The following NRXN1 variants were observed in gnomAD, a reference collection of about 807,000 sequenced individuals.
NRXN1 encodes the protein neurexin 1, also known as neurexin-1.
In NRXN1, 39 loss-of-function variants were observed where a neutral mutation model predicts 150.9. That is an observed-to-expected ratio of 0.26 (90% CI 0.20 to 0.34). NRXN1 has a LOEUF of 0.34. Ranked by LOEUF, NRXN1 falls within the 10% of genes least tolerant of loss-of-function variation. The pLI, the probability that NRXN1 is intolerant of heterozygous loss-of-function variation, is 1.00. For missense variants in NRXN1, 1,815 were observed against 1,949.9 expected, an observed-to-expected ratio of 0.93 and a Z score of 1.30; for synonymous variants, 924 against 757.0, an observed-to-expected ratio of 1.22 and a Z score of -3.62.
intron 21 of NRXN1, among the ~76,000 whole-genome samples, chr2:50,052,944 G>T (rs936618156): frequency 6.6e-6 from 1 of 152,026 alleles, no homozygotes; most frequent in Non-Finnish European, 1.5e-5. Flanking sequence ...TCATTAACTT[G>T]TTCATTTAAA....
At chr2:50,867,647 T>C (rs1677133676) in intron 5 of NRXN1, among the ~76,000 whole-genome samples, 2 of 151,736 alleles carry the variant, frequency 1.3e-5, no homozygotes, top group African/African-American at 4.8e-5. Flanking sequence ...GTAATTGCAA[T>C]GTAAAGCTAA....
intron 19 of NRXN1, among the ~76,000 whole-genome samples, chr2:50,085,126 T>C: frequency 6.6e-6 from 1 of 152,216 alleles, no homozygotes; most frequent in East Asian, 1.9e-4. Flanking sequence ...AGTAAACATT[T>C]AATGATTTCC....
intron 21 of NRXN1, among the ~76,000 whole-genome samples, chr2:50,011,471 A>C (rs917604207): frequency 1.6e-4 from 24 of 152,172 alleles, no homozygotes; most frequent in African/African-American, 5.8e-4. Context: ...AGATAAGCTG[A>C]GGACAAACAT....
chr2:50,520,058 C>T (rs2092743235), intron 12 of NRXN1, among the ~76,000 whole-genome samples: 1 of 151,840 alleles, frequency 6.6e-6, no homozygotes, highest in Non-Finnish European at 1.5e-5. Flanking sequence ...TAAAGAAGCA[C>T]ATATTATACC....
chr2:50,519,720 G>C (rs550928620), intron 12 of NRXN1, among the ~76,000 whole-genome samples: 111 of 152,022 alleles, frequency 7.3e-4, no homozygotes, highest in African/African-American at 2.6e-3. Context: ...ATCTTCTCAT[G>C]TGTGGCTATT....
At position 50,373,665 on chromosome 2, in the gene NRXN1, A is replaced by AAGAAAGAAGGAAG. The variant is rs1316354559; in HGVS notation, c.3364+91776_3364+91777insCTTCCTTCTTTCT. Among the ~76,000 whole-genome samples the AAGAAAGAAGGAAG allele has an allele frequency of 3.3e-4, 35 of 106,640 alleles. 1 individual carries two copies. Among genetic ancestry groups the AAGAAAGAAGGAAG allele is most frequent in the African/African-American group, 1.4e-3 (34 of 24,848 alleles). 70.0% of individuals were successfully genotyped at this position (106,640 alleles called of 152,430 possible). On this transcript the variant is annotated intron_variant, in intron 17 of 22. Transcript: ENST00000401669. ...AAGAAAGAAAGAAAGAAAGAAAGAA[A>AAGAAAGAAGGAAG]GAAAGAAAGAAAGAAAAGAAAGAAG...
At chr2:50,487,494 C>T (rs946036385) in intron 15 of NRXN1, among the ~76,000 whole-genome samples, 13 of 152,162 alleles carry the variant, frequency 8.5e-5, no homozygotes, top group Non-Finnish European at 7.3e-5. Flanking sequence ...AAATAAAGAG[C>T]CACAACAGTG....
At chr2:51,020,337 T>G (rs1315575710) in intron 2 of NRXN1, among the ~76,000 whole-genome samples, 1 of 151,878 alleles carries the variant, frequency 6.6e-6, no homozygotes, top group Non-Finnish European at 1.5e-5. Context: ...TGTTTAAATT[T>G]TACCCAAGCG....
intron 17 of NRXN1, among the ~76,000 whole-genome samples, chr2:50,257,854 CAA>C (rs892502759): frequency 6.6e-6 from 1 of 150,634 alleles, no homozygotes; most frequent in African/African-American, 2.4e-5. Context: ...AAATATAAAA[CAA>C]AAAATTTAAA....
At chr2:50,513,046 C>T (rs1235972924) in intron 12 of NRXN1, among the ~76,000 whole-genome samples, 1 of 152,122 alleles carries the variant, frequency 6.6e-6, no homozygotes, top group Non-Finnish European at 1.5e-5. Flanking sequence ...GTTGCTTAGG[C>T]TTGGGTATGT....
intron 5 of NRXN1, among the ~76,000 whole-genome samples, chr2:50,640,277 T>C (rs2104472725): frequency 6.6e-6 from 1 of 152,304 alleles, no homozygotes; most frequent in Middle Eastern, 3.4e-3. Flanking sequence ...TAGAGAGATA[T>C]GACCTAGGCA....
At chr2:50,803,750 T>C (rs991943896) in intron 5 of NRXN1, among the ~76,000 whole-genome samples, 1 of 152,186 alleles carries the variant, frequency 6.6e-6, no homozygotes, top group Non-Finnish European at 1.5e-5. Flanking sequence ...AAGGGATACT[T>C]ACGTTCAAGA....
At chr2:50,684,013 C>G (rs1387375325) in intron 5 of NRXN1, among the ~76,000 whole-genome samples, 1 of 151,882 alleles carries the variant, frequency 6.6e-6, no homozygotes, top group Non-Finnish European at 1.5e-5. Context: ...TCCATCTATG[C>G]ATTTCATCTT....
intron 16 of NRXN1, among the ~76,000 whole-genome samples, chr2:50,470,391 T>C (rs752646525): frequency 5.3e-5 from 8 of 151,654 alleles, no homozygotes; most frequent in Non-Finnish European, 1.2e-4. Context: ...AATAAAGAAA[T>C]ATACTAATAA....
intron 15 of NRXN1, among the ~76,000 whole-genome samples, chr2:50,489,229 T>C (rs1012774581): frequency 1.3e-5 from 2 of 152,180 alleles, no homozygotes; most frequent in Non-Finnish European, 2.9e-5. Flanking sequence ...CTGTCAGAGT[T>C]CAGCTAGTGT....
chr2:50,615,877 C>G (rs934668973), intron 8 of NRXN1: 1 of 151,998 alleles, frequency 6.6e-6, no homozygotes, highest in Non-Finnish European at 1.5e-5. Context: ...ATAAAATGAT[C>G]GAAAATTCTT....
chr2:50,551,105 G>GGAGA (rs1558922734), intron 9 of NRXN1, among the ~76,000 whole-genome samples: 1 of 110,424 alleles, frequency 9.1e-6, no homozygotes, highest in East Asian at 2.4e-4. Flanking sequence ...GGAGGAGGAG[G>GGAGA]GAGGGGGAGG....
At chr2:50,202,763 A>G (rs992413109) in intron 18 of NRXN1, among the ~76,000 whole-genome samples, 13 of 152,152 alleles carry the variant, frequency 8.5e-5, no homozygotes, top group Non-Finnish European at 1.3e-4. Context: ...TTTATAGTAA[A>G]ACAAAATACA....
At chr2:50,325,789 T>G (rs879558367) in intron 17 of NRXN1, among the ~76,000 whole-genome samples, 16 of 152,234 alleles carry the variant, frequency 1.1e-4, no homozygotes, top group Admixed American at 1.0e-3. Context: ...ACGCTATTGC[T>G]TCAGTAATAT....
Sources: gnomAD v4.1 joint callset for allele counts (sites outside exome capture counted in the v4.1 genomes callset) on GRCh38, gnomAD v4.1.1 for gene constraint, MANE v1.5 for transcripts, NCBI Gene and HGNC (gene_info 2026-07-23, HGNC 2026-07-21) for gene names.